The following MYO3A variants were observed in gnomAD, a reference collection of about 807,000 sequenced individuals.
MYO3A encodes the protein myosin IIIA.
MYO3A carries 180 observed loss-of-function variants against 192.7 expected under a neutral mutation model. The observed-to-expected ratio is 0.93, with a 90% CI of 0.83 to 1.06. MYO3A has a LOEUF of 1.06. Ranked by LOEUF, MYO3A falls within the 50% of genes least tolerant of loss-of-function variation. The probability of loss-of-function intolerance (pLI) is 0.00; values close to 1 mark genes in which losing one functional copy is unlikely to be tolerated. For missense variants in MYO3A, 1,896 were observed against 1,905.0 expected (o/e 1.00, Z 0.09); for synonymous variants, 628 against 645.3 (o/e 0.97, Z 0.41).
intron 31 of MYO3A, among the ~76,000 whole-genome samples, chr10:26,192,900 C>A (rs1259542896): frequency 1.3e-5 from 2 of 152,106 alleles, no homozygotes; most frequent in South Asian, 2.1e-4. Context: ...AGTGATCTGC[C>A]TGCCTCAGCC....
chr10:26,182,323 G>C (rs1033307850), intron 31 of MYO3A, among the ~76,000 whole-genome samples: 1 of 152,178 alleles, frequency 6.6e-6, no homozygotes, highest in Non-Finnish European at 1.5e-5. Flanking sequence ...CTGCCATGCT[G>C]TCTCAAGCCA....
chr10:26,146,558 A>C (rs1010864390), intron 22 of MYO3A, among the ~76,000 whole-genome samples: 2 of 152,250 alleles, frequency 1.3e-5, no homozygotes, highest in East Asian at 3.9e-4. Flanking sequence ...GGCCTTTGCT[A>C]TGTGAGCATA....
chr10:25,968,667 T>C (rs563439394), intron 4 of MYO3A, among the ~76,000 whole-genome samples: 1 of 152,364 alleles, frequency 6.6e-6, no homozygotes, highest in African/African-American at 2.4e-5. Context: ...GGTTTTGCTT[T>C]TCACAATTTC....
chr10:26,088,706 T>C (rs1836495480), intron 15 of MYO3A, among the ~76,000 whole-genome samples: 1 of 152,208 alleles, frequency 6.6e-6, no homozygotes, highest in African/African-American at 2.4e-5. Context: ...AATATATTTA[T>C]CTATACAAAA....
chr10:26,110,337 G>A (rs1325635536), intron 17 of MYO3A, among the ~76,000 whole-genome samples: 1 of 152,114 alleles, frequency 6.6e-6, no homozygotes, highest in Non-Finnish European at 1.5e-5. Flanking sequence ...GCATTAGATG[G>A]TTTTTAGGCT....
In MYO3A at chr10:26,195,066, C is replaced by A. The variant is rs111907779; in HGVS notation, c.4545+1755C>A. On this transcript the variant is annotated intron_variant, in intron 32 of 34. Transcript: ENST00000642920. ...ACATTTTCATCACCTTAAAAAGAAA[C>A]TCATTAGAAGTCATTACCCACTCCC... Among the ~76,000 whole-genome samples, 939 of 152,234 alleles carry A rather than the reference C, an allele frequency of 6.2e-3. 6 individuals are homozygous for A. Among genetic ancestry groups the A allele is most frequent in the Middle Eastern group, 0.041 (12 of 294 alleles).
rs192494691 is a variant in MYO3A, at chr10:26,106,579, G to A, written c.1776+9897G>A. Among the ~76,000 whole-genome samples the A allele has an allele frequency of 5.3e-5, 8 of 152,062 alleles. No homozygotes were observed. The East Asian group carries it at 1.4e-3, about 26-fold the overall frequency. On this transcript the variant is annotated intron_variant, in intron 17 of 34. Transcript: ENST00000642920. ...TGATTATAGTTGGCCTCTGAGTCTA[G>A]TTTCTGATTTTAAGTGGTTTTAGTG...
At chr10:26,090,324 T>G (rs1438113460) in intron 15 of MYO3A, among the ~76,000 whole-genome samples, 1 of 152,212 alleles carries the variant, frequency 6.6e-6, no homozygotes, top group African/African-American at 2.4e-5. Context: ...GCCCTGAGCT[T>G]GTAACCATAG....
intron 32 of MYO3A, among the ~76,000 whole-genome samples, chr10:26,199,418 T>C (rs889549260): frequency 2.0e-5 from 3 of 151,712 alleles, no homozygotes; most frequent in Non-Finnish European, 2.9e-5. Context: ...CTGGGCACGA[T>C]GGGTCATGAC....
rs1031092967 is a variant in MYO3A at position 25,967,834 on chromosome 10, A to G, written c.303+12826A>G. On this transcript the variant is annotated intron_variant, in intron 4 of 34. Coordinates refer to ENST00000642920, the MANE Select transcript of MYO3A (RefSeq NM_017433.5). The stretch of plus-strand genomic sequence containing the variant: ...CATAAGAATCAGGTTTAACAGCACA[A>G]TAGGCATATGGGAGAAAAGATCAGT... 5.9e-5 allele frequency among the ~76,000 whole-genome samples: 9 copies of G among 152,220 alleles called. No individual in the cohort carries two copies. The East Asian group carries it at 1.5e-3, about 26-fold the overall frequency.
intron 17 of MYO3A, 144 bp from the exon 18 acceptor site, chr10:26,120,531 CT>C (rs1838790843): frequency 9.5e-7 from 1 of 1,052,360 alleles, no homozygotes; most frequent in Non-Finnish European, 1.5e-6. Context: ...GCTGAGCCTA[CT>C]TGGATCTCAG....
chr10:26,078,129 A>ATTTTTTTTTTTTT (rs1835707170), intron 14 of MYO3A, among the ~76,000 whole-genome samples: 20 of 92,006 alleles, frequency 2.2e-4, no homozygotes, highest in African/African-American at 2.2e-4. Context: ...CTGGTCCTGG[A>ATTTTTTTTTTTTT]CTTTTTTTTT....
intron 17 of MYO3A, among the ~76,000 whole-genome samples, chr10:26,104,343 G>T (rs1837658591): frequency 6.6e-6 from 1 of 152,082 alleles, no homozygotes; most frequent in Non-Finnish European, 1.5e-5. Context: ...TTAGGTCATT[G>T]TTCCATTTTG....
chr10:26,131,790 A>G (rs1298226295), intron 20 of MYO3A, among the ~76,000 whole-genome samples: 14 of 152,210 alleles, frequency 9.2e-5, no homozygotes, highest in Admixed American at 9.2e-4. Context: ...AAATCTAAAG[A>G]TACTATTTGT....
chr10:26,202,902 G>A (rs1353587222), intron 33 of MYO3A, 62 bp from the exon 34 acceptor site: 3 of 1,574,442 alleles, frequency 1.9e-6, no homozygotes, highest in East Asian at 2.2e-5. Flanking sequence ...AAAGTATCCT[G>A]TAAGTTTAAG....
chr10:26,105,748 C>T (rs1480237150), intron 17 of MYO3A, among the ~76,000 whole-genome samples: 1 of 151,984 alleles, frequency 6.6e-6, no homozygotes, highest in Admixed American at 6.6e-5. Context: ...ATCTAGGTCT[C>T]TACTTTCAGT....
intron 14 of MYO3A, among the ~76,000 whole-genome samples, chr10:26,071,064 T>C (rs1227178082): frequency 6.6e-6 from 1 of 151,796 alleles, no homozygotes; most frequent in Non-Finnish European, 1.5e-5. Flanking sequence ...CTCAAAAATA[T>C]ATATTGAAGG....
chr10:26,077,703 T>C (rs1564525975), intron 14 of MYO3A, among the ~76,000 whole-genome samples: 1 of 152,154 alleles, frequency 6.6e-6, no homozygotes, highest in African/African-American at 2.4e-5. Flanking sequence ...GTTTTAATCA[T>C]AAAGTGATGC....
chr10:26,125,801 T>G (rs565222749), intron 19 of MYO3A, among the ~76,000 whole-genome samples, 193 bp downstream of exon 19: 3 of 152,282 alleles, frequency 2.0e-5, no homozygotes, highest in African/African-American at 7.2e-5. Flanking sequence ...AACTATAAAA[T>G]TTTTAAGTTG....
Sources: gnomAD v4.1 joint callset for allele counts (sites outside exome capture counted in the v4.1 genomes callset) on GRCh38, gnomAD v4.1.1 for gene constraint, MANE v1.5 for transcripts, NCBI Gene and HGNC (gene_info 2026-07-23, HGNC 2026-07-21) for gene names.